MFSD1: variants seen among roughly 807,000 people sequenced by gnomAD.
MFSD1 encodes the protein lysosomal dipeptide transporter MFSD1.
MFSD1 carries 59 observed loss-of-function variants against 67.1 expected under a neutral mutation model. The ratio of observed to expected loss-of-function variants is 0.88; its 90% confidence interval spans 0.71 to 1.09. MFSD1 has a LOEUF of 1.09. MFSD1 is among the 50% of genes least tolerant of loss of function. The pLI, the probability that MFSD1 is intolerant of heterozygous loss-of-function variation, is 0.00. For missense variants in MFSD1, 552 were observed against 566.1 expected, an observed-to-expected ratio of 0.97 and a Z score of 0.25; for synonymous variants, 213 against 200.3, an observed-to-expected ratio of 1.06 and a Z score of -0.54.
At chr3:158,809,153 G>GTTTTTTTTTTTTTTTTTTTTT in intron 5 of MFSD1, 26 bp from the exon 6 acceptor site, 1 of 1,205,254 alleles carries the variant, frequency 8.3e-7, no homozygotes, top group Non-Finnish European at 1.1e-6. Context: ...GTGACTTCTG[G>GTTTTTTTTTTTTTTTTTTTTT]TTTTTTTTTT....
chr3:158,825,919 T>G (rs1190664329), intron 13 of MFSD1, 96 bp from the exon 14 acceptor site: 1 of 913,520 alleles, frequency 1.1e-6, no homozygotes, highest in Non-Finnish European at 1.8e-6. Context: ...TAATAAAGGT[T>G]TGATTGTGTC....
chr3:158,808,274 A>G lies in MFSD1; in HGVS notation c.440+811A>G, dbSNP rs190206814. ...GGCTAGGACAGAGTCACAAGAAATA[A>G]GACTATTTCTTATTTGTCTTAAGAC... On this transcript the variant is annotated intron_variant, in intron 5 of 15. Transcript: ENST00000415822. Among the ~76,000 whole-genome samples the G allele has an allele frequency of 7.0e-3, 1,064 of 152,344 alleles. 3 individuals are homozygous for G. Among genetic ancestry groups the G allele is most frequent in the Middle Eastern group, 0.024 (7 of 294 alleles).
Position 158,809,281 on chromosome 3 carries a change from T to C in MFSD1, c.543T>C (p.Ala181=). 1 of 1,596,304 alleles carries C rather than the reference T, an allele frequency of 6.3e-7. No homozygotes were observed. The highest frequency in any genetic ancestry group is 8.5e-7 in the Non-Finnish European group (1 of 1,172,226). The part of the protein sequence containing the change: ...NLVFGLQLSM[A]RIGSTVNMNL... ...TGTTTGGACTTCAACTTAGCATGGC[T>C]AGAATTGTAAGTATAATGAAAAGCC... Residue 181 remains alanine, a synonymous_variant, in exon 6 of 16, where the codon GCT becomes GCC. Transcript: ENST00000415822.
intron 11 of MFSD1, chr3:158,823,026 G>A: frequency 5.2e-6 from 1 of 194,122 alleles, no homozygotes; most frequent in East Asian, 1.2e-4. Flanking sequence ...GACGTAGGAT[G>A]ATGGACTGTT....
In MFSD1 at chr3:158,825,918, T is replaced by A; in HGVS notation, c.1289-97T>A. 6 of 904,600 alleles carry A rather than the reference T, an allele frequency of 6.6e-6. No individual in the cohort carries two copies. The South Asian group carries it at 7.4e-5, about 11-fold the overall frequency. 56.0% of individuals were successfully genotyped at this position (904,600 alleles called of 1,614,324 possible). On this transcript the variant is annotated intron_variant, in intron 13 of 15. Coordinates refer to ENST00000415822, the MANE Select transcript of MFSD1 (RefSeq NM_022736.4). ...TATTTAAAATAGCAATTAATAAAGG[T>A]TTGATTGTGTCTAAGCTTTGCTTTG...
chr3:158,817,495 C>T (rs192753835), intron 7 of MFSD1, among the ~76,000 whole-genome samples: 58 of 152,266 alleles, frequency 3.8e-4, no homozygotes, highest in African/African-American at 1.3e-3. Context: ...AACTCCCATT[C>T]ACAATTGCTT....
chr3:158,808,378 A>T (rs897209167), intron 5 of MFSD1, among the ~76,000 whole-genome samples: 3 of 152,174 alleles, frequency 2.0e-5, no homozygotes, highest in Admixed American at 1.3e-4. Context: ...AGGCCCTTGG[A>T]GGAGAATCGT....
intron 5 of MFSD1, 90 bp downstream of exon 5, chr3:158,807,553 G>A: frequency 9.7e-7 from 1 of 1,035,740 alleles, no homozygotes; most frequent in South Asian, 1.4e-5. Flanking sequence ...TCTCTTCTGG[G>A]GAATTACTTC....
intron 1 of MFSD1, among the ~76,000 whole-genome samples, chr3:158,803,686 T>A (rs115420620): frequency 0.013 from 1,914 of 152,324 alleles, 55 homozygotes; most frequent in African/African-American, 0.044. Context: ...GGAATCTCAA[T>A]TATTTTATCT....
chr3:158,822,107 G>A lies in MFSD1; in HGVS notation c.1044G>A (p.Leu348=), dbSNP rs1730711776. Residue 348 remains leucine (L), a synonymous_variant, in exon 11 of 16, where the codon CTG becomes CTA. Coordinates refer to ENST00000415822, the MANE Select transcript of MFSD1 (RefSeq NM_022736.4). ...VAATLVSHMM[L]AFTMWNPWIA... ...CCACTCTTGTGTCCCACATGATGCTGGCCTTTACGATGTGGAACCCTTGGA... is the reference window on the plus strand; with the variant it reads ...CCACTCTTGTGTCCCACATGATGCTAGCCTTTACGATGTGGAACCCTTGGA... The A allele has an allele frequency of 1.2e-6, 2 of 1,613,668 alleles. No individual in the cohort carries two copies. Among genetic ancestry groups the A allele is most frequent in the East Asian group, 4.5e-5 (2 of 44,870 alleles).
At chr3:158,818,379 T>A (rs1427821270) in intron 7 of MFSD1, among the ~76,000 whole-genome samples, 1 of 152,064 alleles carries the variant, frequency 6.6e-6, no homozygotes, top group African/African-American at 2.4e-5. Flanking sequence ...CCCTCTCTTC[T>A]AGCTATTTTT....
chr3:158,810,563 C>T (rs1405080446), intron 6 of MFSD1, among the ~76,000 whole-genome samples: 4 of 152,124 alleles, frequency 2.6e-5, no homozygotes, highest in Admixed American at 6.5e-5. Flanking sequence ...CTGACACTCT[C>T]GCTATGAAAG....
At chr3:158,808,062 G>A (rs1729814379) in intron 5 of MFSD1, among the ~76,000 whole-genome samples, 1 of 152,188 alleles carries the variant, frequency 6.6e-6, no homozygotes, top group South Asian at 2.1e-4. Context: ...CAGGTGTCAG[G>A]AGCATGTAGA....
chr3:158,815,136 G>A (rs532919171), intron 7 of MFSD1, among the ~76,000 whole-genome samples: 2 of 152,128 alleles, frequency 1.3e-5, no homozygotes, highest in East Asian at 3.8e-4. Flanking sequence ...AACGTCCATA[G>A]CATAAGGGAG....
At chr3:158,814,384 G>A (rs1392615055) in intron 7 of MFSD1, among the ~76,000 whole-genome samples, 3 of 152,056 alleles carry the variant, frequency 2.0e-5, no homozygotes. Flanking sequence ...TCAGTGGCGC[G>A]ATCTCGGCTC....
intron 1 of MFSD1, chr3:158,802,553 C>T (rs1729513732): frequency 2.8e-6 from 2 of 701,788 alleles, no homozygotes; most frequent in East Asian, 2.7e-5. Context: ...TTTTGTGGCA[C>T]TCCTTTGCTC....
At chr3:158,818,811 A>G (rs929067141) in intron 7 of MFSD1, among the ~76,000 whole-genome samples, 5 of 152,158 alleles carry the variant, frequency 3.3e-5, no homozygotes, top group Admixed American at 6.6e-5. Flanking sequence ...TTTCCTCCAC[A>G]ATGGGAAATT....
intron 1 of MFSD1, 108 bp downstream of exon 1, chr3:158,802,423 C>T: frequency 1.6e-6 from 2 of 1,243,704 alleles, no homozygotes; most frequent in South Asian, 1.3e-5. Flanking sequence ...AGCGCAGCTT[C>T]TGTCTTAAGC....
At position 158,807,206 on chromosome 3, in the gene MFSD1, C is replaced by T. The variant is rs905693792; in HGVS notation, c.372+124C>T. ...TTAATTAAGCAGAACCCATAAATGC[C>T]CATGTGATATAATCCATAGTCTATT... On this transcript the variant is annotated intron_variant, in intron 4 of 15. Coordinates refer to ENST00000415822, the MANE Select transcript of MFSD1 (RefSeq NM_022736.4). 5.1e-6 allele frequency: 5 copies of T among 982,376 alleles called. No individual in the cohort carries two copies. In the South Asian group the frequency reaches 5.7e-5, roughly 11 times the overall value. 60.9% of individuals were successfully genotyped at this position (982,376 alleles called of 1,614,324 possible). A position where few individuals can be genotyped will look rare whatever the true frequency, so the allele number is the denominator to read the frequency against.
Sources: allele counts gnomAD v4.1 joint callset (sites outside exome capture counted in the v4.1 genomes callset), GRCh38; gene constraint gnomAD v4.1.1; transcripts MANE v1.5; gene names NCBI Gene and HGNC (gene_info 2026-07-23, HGNC 2026-07-21).